C11orf71: variants seen among roughly 807,000 people sequenced by gnomAD.
C11orf71 encodes the protein uncharacterized protein C11orf71.
For missense variants in C11orf71, 179 were observed against 167.6 expected (o/e 1.07, Z -0.38); for synonymous variants, 72 against 73.4 (o/e 0.98, Z 0.09).
rs1477181853 is a variant in C11orf71 at position 114,398,554 on chromosome 11, T to C, written c.*1406A>G. 1 of 152,214 alleles carries C rather than the reference T, an allele frequency of 6.6e-6. No homozygotes were observed. Among genetic ancestry groups the C allele is most frequent in the Non-Finnish European group, 1.5e-5 (1 of 68,038 alleles). The allele number at this position is 152,214 out of a possible 1,614,324, so 9.4% of individuals were successfully genotyped here. A position where few individuals can be genotyped will look rare whatever the true frequency, so the allele number is the denominator to read the frequency against. On this transcript the variant is annotated 3_prime_UTR_variant, in exon 1 of 1. Transcript: ENST00000623205. ...TACTTTTATCATGTTCACCACTTTA[T>C]TCTAAGTGCTTACCGCAGGCAGTAG...
At position 114,400,229 on chromosome 11, in the gene C11orf71, T is replaced by C; in HGVS notation, c.103A>G (p.Met35Val). ...DLRPRASALA[M>V]VSGDGFLVSR... is the part of the protein sequence containing the mutation. ...ACGAGGAAGCCGTCTCCGGAGACCATCGCCAACGCTGACGCCCGCGGTCTG... is the reference window on the plus strand; with the variant it reads ...ACGAGGAAGCCGTCTCCGGAGACCACCGCCAACGCTGACGCCCGCGGTCTG... The change falls in exon 1 of 1, where the codon ATG (methionine) becomes GTG (valine). Residue 35 changes from methionine (M) to valine (V), a missense_variant. Physicochemically the swap from Met to Val is conservative, Grantham distance 21. Coordinates refer to ENST00000623205, the MANE Select transcript of C11orf71 (RefSeq NM_001271562.2). 1.2e-6 allele frequency: 2 copies of C among 1,612,150 alleles called. No individual in the cohort carries two copies. Among genetic ancestry groups the C allele is most frequent in the Admixed American group, 3.3e-5 (2 of 59,710 alleles).
In C11orf71 at chr11:114,400,379, A is replaced by C. The variant is rs1225109402; in HGVS notation, c.-48T>G. ...TTGCGTTACGTCCCTTTGTGAAGGC[A>C]GGCCCTTCGCGGCTCCCCAGATCAG... On this transcript the variant is annotated 5_prime_UTR_variant, in exon 1 of 1. Transcript: ENST00000623205. The C allele has an allele frequency of 1.3e-6, 2 of 1,539,648 alleles. No homozygotes were observed. The highest frequency in any genetic ancestry group is 2.7e-5 in the African/African-American group (2 of 73,206).
Position 114,400,478 on chromosome 11 carries a change from C to T in C11orf71, c.-147G>A. 7.7e-7 allele frequency: 1 copy of T among 1,304,870 alleles called. No homozygotes were observed. Among genetic ancestry groups the T allele is most frequent in the Non-Finnish European group, 1.0e-6 (1 of 966,188 alleles). 80.8% of individuals were successfully genotyped at this position (1,304,870 alleles called of 1,614,324 possible). A position where few individuals can be genotyped will look rare whatever the true frequency, so the allele number is the denominator to read the frequency against. On this transcript the variant is annotated 5_prime_UTR_variant, in exon 1 of 1. Coordinates refer to ENST00000623205, the MANE Select transcript of C11orf71 (RefSeq NM_001271562.2). The stretch of plus-strand genomic sequence containing the variant: ...GAGCCTGCGGAAGAGCCAGAAGCCG[C>T]CTTGCCTTTAACGAGGGGTATCCTG...
chr11:114,392,060 G>GGTAA (rs1946077062), intron 1 of C11orf71, among the ~76,000 whole-genome samples: 1 of 152,038 alleles, frequency 6.6e-6, no homozygotes, highest in Admixed American at 6.6e-5. Context: ...TTACTTGAAT[G>GGTAA]GTAAGTATAC....
intron 1 of C11orf71, among the ~76,000 whole-genome samples, chr11:114,393,103 T>C (rs1032557837): frequency 6.6e-6 from 1 of 152,220 alleles, no homozygotes; most frequent in African/African-American, 2.4e-5. Context: ...CTTATGTTTC[T>C]CAAACCTAAA....
At chr11:114,394,208 CTTTTCTTTTCTTTTCTTTTCTTT>C (rs1946099501), downstream of C11orf71, among the ~76,000 whole-genome samples, 19 of 40,394 alleles carry the variant, frequency 4.7e-4, 2 homozygotes, top group African/African-American at 2.2e-3. Context: ...CTTTTCTTTT[CTTTTCTTTTCTTTTCTTTTCTTT>C]CTTTTCTTTT....
At chr11:114,394,187 TC>T (rs1347088023), downstream of C11orf71, among the ~76,000 whole-genome samples, 37 of 43,664 alleles carry the variant, frequency 8.5e-4, 1 homozygote, top group East Asian at 0.014. Flanking sequence ...TCGTTTCTTT[TC>T]TTTTCTTTTC....
At chr11:114,397,086 A>G (rs566172725), downstream of C11orf71, among the ~76,000 whole-genome samples, 8 of 152,284 alleles carry the variant, frequency 5.3e-5, no homozygotes, top group South Asian at 1.7e-3. Context: ...GGAAGTAAAT[A>G]TCTTATTAGG....
chr11:114,396,240 G>A (rs373501237), downstream of C11orf71, among the ~76,000 whole-genome samples: 1 of 152,218 alleles, frequency 6.6e-6, no homozygotes, highest in East Asian at 1.9e-4. Flanking sequence ...TAAATTTATG[G>A]ACAAATAAAT....
downstream of C11orf71, among the ~76,000 whole-genome samples, chr11:114,397,495 A>C (rs141132017): frequency 5.3e-5 from 8 of 152,350 alleles, no homozygotes; most frequent in African/African-American, 1.9e-4. Flanking sequence ...ACTCAGATTT[A>C]AAATAATGGA....
chr11:114,392,574 A>G (rs2135336856), intron 1 of C11orf71, among the ~76,000 whole-genome samples: 1 of 150,728 alleles, frequency 6.6e-6, no homozygotes, highest in Non-Finnish European at 1.5e-5. Flanking sequence ...AAGAAAAAAG[A>G]AAAAACATTA....
intron 1 of C11orf71, chr11:114,391,682 G>A (rs1233443482): frequency 2.5e-6 from 3 of 1,219,908 alleles, no homozygotes; most frequent in South Asian, 1.5e-5. Flanking sequence ...TACACAAAAT[G>A]GATGAGTATA....
chr11:114,395,199 C>T (rs1946121928), downstream of C11orf71, among the ~76,000 whole-genome samples: 1 of 151,898 alleles, frequency 6.6e-6, no homozygotes, highest in South Asian at 2.1e-4. Flanking sequence ...AAGTCTCACC[C>T]AAATACTTGA....
chr11:114,393,408 G>A (rs371214512), intron 1 of C11orf71, among the ~76,000 whole-genome samples: 1 of 152,052 alleles, frequency 6.6e-6, no homozygotes, highest in Admixed American at 6.5e-5. Context: ...TACTTCAATC[G>A]GAAGCAATTA....
rs745541047 is a variant in C11orf71, at chr11:114,400,084, C to T, written c.248G>A (p.Arg83Gln). 31 of 1,613,904 alleles carry T rather than the reference C, an allele frequency of 1.9e-5. 1 individual carries two copies. The highest frequency in any genetic ancestry group is 1.1e-4 in the South Asian group (10 of 91,082). ...AGGTGAGAATCTGGCTTGGCGGCTC[C>T]GGCCCCGGCCATCTGGTTCCCTTGG... ...RSPREPDGRG[R>Q]SRQARFSPYP... The change falls in exon 1 of 1, where the codon CGG (arginine) becomes CAG (glutamine). Residue 83 changes from arginine (R) to glutamine (Q), a missense_variant. Arg to Gln is a conservative substitution (Grantham distance 43). Transcript: ENST00000623205.
In C11orf71 at chr11:114,400,077, G is replaced by A. The variant is rs777349300; in HGVS notation, c.255C>T (p.Arg85=). Residue 85 remains arginine (R), a synonymous_variant, in exon 1 of 1, where the codon CGC becomes CGT. Coordinates refer to ENST00000623205, the MANE Select transcript of C11orf71 (RefSeq NM_001271562.2). ...TTGGGTAAGGTGAGAATCTGGCTTGGCGGCTCCGGCCCCGGCCATCTGGTT... is the reference window on the plus strand; with the variant it reads ...TTGGGTAAGGTGAGAATCTGGCTTGACGGCTCCGGCCCCGGCCATCTGGTT... ...PREPDGRGRS[R]QARFSPYPIP... 20 of 1,613,836 alleles carry A rather than the reference G, an allele frequency of 1.2e-5. No homozygotes were observed. The highest frequency in any genetic ancestry group is 1.6e-5 in the Non-Finnish European group (19 of 1,179,902).
intron 1 of C11orf71, among the ~76,000 whole-genome samples, chr11:114,392,547 A>AAAAAAG (rs1555023952): frequency 3.6e-4 from 52 of 145,190 alleles, no homozygotes; most frequent in East Asian, 1.7e-3. Flanking sequence ...AAAAAAAAAA[A>AAAAAAG]AAAGAAGAAG....
At chr11:114,393,089 C>A (rs1211198947) in intron 1 of C11orf71, among the ~76,000 whole-genome samples, 1 of 152,230 alleles carries the variant, frequency 6.6e-6, no homozygotes, top group Non-Finnish European at 1.5e-5. Context: ...GCTTTTGCTG[C>A]AGACTTATGT....
At chr11:114,394,292 A>ATTTTCTTTTC (rs1285972863), downstream of C11orf71, among the ~76,000 whole-genome samples, 1 of 25,380 alleles carries the variant, frequency 3.9e-5, no homozygotes, top group Non-Finnish European at 7.9e-5. Flanking sequence ...CTTTTCTCTT[A>ATTTTCTTTTC]TTTTCTTTTC....
Sources: allele counts gnomAD v4.1 joint callset (sites outside exome capture counted in the v4.1 genomes callset), GRCh38; gene constraint gnomAD v4.1.1; transcripts MANE v1.5; gene names NCBI Gene and HGNC (gene_info 2026-07-23, HGNC 2026-07-21).